SPIRE1: variants seen among roughly 807,000 people sequenced by gnomAD.
SPIRE1 encodes the protein spire type actin nucleation factor 1, also known as protein spire homolog 1.
In SPIRE1, 40 loss-of-function variants were observed where a neutral mutation model predicts 94.1. That is an observed-to-expected ratio of 0.43 (90% CI 0.33 to 0.55). The LOEUF is 0.55. Among genes scored for constraint, SPIRE1 ranks in the 20% least tolerant of loss-of-function variants. The pLI is 0.06. For synonymous variants in SPIRE1, 376 were observed against 371.7 expected (o/e 1.01, Z -0.13); for missense variants, 838 against 975.2 (o/e 0.86, Z 1.87).
intron 10 of SPIRE1, among the ~76,000 whole-genome samples, chr18:12,478,434 GTA>G (rs1366532862): frequency 1.3e-5 from 2 of 151,138 alleles, no homozygotes; most frequent in South Asian, 2.1e-4. Context: ...GCGAGGGTGT[GTA>G]TGTGTGTGTG....
intron 2 of SPIRE1, among the ~76,000 whole-genome samples, chr18:12,633,508 G>A (rs1446493788): frequency 6.6e-6 from 1 of 151,872 alleles, no homozygotes; most frequent in East Asian, 1.9e-4. Context: ...CCTGGGAGGT[G>A]GAGGTTGCAG....
intron 4 of SPIRE1, among the ~76,000 whole-genome samples, chr18:12,530,078 C>T (rs924699925): frequency 6.6e-6 from 1 of 152,042 alleles, no homozygotes; most frequent in African/African-American, 2.4e-5. Context: ...TTTAAAAGGC[C>T]TACAGCATCC....
At chr18:12,638,018 T>C (rs1008713618) in intron 1 of SPIRE1, among the ~76,000 whole-genome samples, 1 of 152,200 alleles carries the variant, frequency 6.6e-6, no homozygotes, top group Admixed American at 6.5e-5. Flanking sequence ...TACAAAGTAT[T>C]TGACCAACTA....
chr18:12,494,158 C>T (rs540538850), intron 7 of SPIRE1, among the ~76,000 whole-genome samples: 2 of 152,108 alleles, frequency 1.3e-5, no homozygotes, highest in African/African-American at 4.8e-5. Context: ...AGCAATCTTC[C>T]CATCCTGGCC....
At chr18:12,458,357 A>T (rs960948760) in intron 12 of SPIRE1, among the ~76,000 whole-genome samples, 6 of 151,602 alleles carry the variant, frequency 4.0e-5, no homozygotes, top group Non-Finnish European at 7.4e-5. Flanking sequence ...CACGCCTGTA[A>T]TCCCAGCACT....
chr18:12,580,915 T>A (rs1195462447), intron 2 of SPIRE1, among the ~76,000 whole-genome samples: 2 of 152,116 alleles, frequency 1.3e-5, no homozygotes. Flanking sequence ...GACCCCAGCC[T>A]GTCCCTCAAT....
intron 2 of SPIRE1, among the ~76,000 whole-genome samples, chr18:12,548,474 A>AT (rs1228985201): frequency 1.3e-5 from 2 of 152,214 alleles, no homozygotes; most frequent in Non-Finnish European, 2.9e-5. Context: ...TTCAAAATGA[A>AT]TATCATGCTT....
chr18:12,476,590 C>T (rs7505725), intron 10 of SPIRE1, among the ~76,000 whole-genome samples: 27 of 118,172 alleles, frequency 2.3e-4, no homozygotes, highest in African/African-American at 3.2e-4. Flanking sequence ...TATATATATA[C>T]ACACACACAC....
chr18:12,592,627 C>A (rs973437754), intron 2 of SPIRE1, among the ~76,000 whole-genome samples: 1 of 152,144 alleles, frequency 6.6e-6, no homozygotes, highest in African/African-American at 2.4e-5. Flanking sequence ...TTAAGGAGTT[C>A]CAGTTAATAA....
chr18:12,464,405 C>G (rs2032004152), intron 11 of SPIRE1, among the ~76,000 whole-genome samples: 1 of 151,988 alleles, frequency 6.6e-6, no homozygotes, highest in African/African-American at 2.4e-5. Flanking sequence ...TTATTAAAAG[C>G]CTTTAGAAAT....
Position 12,454,388 on chromosome 18 carries a change from G to T in SPIRE1, c.1734C>A (p.Tyr578Ter), listed in dbSNP as rs2031403330. The T allele has an allele frequency of 6.2e-7, 1 of 1,612,814 alleles. No individual in the cohort carries two copies. Among genetic ancestry groups the T allele is most frequent in the Non-Finnish European group, 8.5e-7 (1 of 1,179,624 alleles). ...CGGTGTAGATGTCTTTATACTGTTG[G>T]TATTTTTCCAGCTCTGCCTTCACCA... ...QVLVKAELEK[Y>*]QQYKDIYTAL... The change falls in exon 13 of 17, where the codon TAC becomes TAA. Residue 578 changes from tyrosine (Y) to a stop codon, truncating the protein, a stop_gained. Coordinates refer to ENST00000409402, the MANE Select transcript of SPIRE1 (RefSeq NM_001128626.2). LOFTEE classifies it high-confidence loss of function.
At chr18:12,571,340 G>C (rs893044966) in intron 2 of SPIRE1, among the ~76,000 whole-genome samples, 8 of 152,164 alleles carry the variant, frequency 5.3e-5, no homozygotes, top group African/African-American at 1.9e-4. Flanking sequence ...CTCCCAAAGT[G>C]CTGGGATTAC....
At chr18:12,452,997 A>G (rs1419547881) in intron 14 of SPIRE1, 71 bp downstream of exon 14, 2 of 957,606 alleles carry the variant, frequency 2.1e-6, no homozygotes, top group Non-Finnish European at 3.1e-6. Flanking sequence ...AGATGGTGAA[A>G]TAAGGAAGAT....
intron 2 of SPIRE1, among the ~76,000 whole-genome samples, chr18:12,621,197 G>T (rs919342883): frequency 4.6e-5 from 7 of 152,164 alleles, no homozygotes; most frequent in Non-Finnish European, 1.0e-4. Flanking sequence ...ACATGCACTA[G>T]GATGCCCAGA....
At chr18:12,458,196 T>A (rs1350422419) in intron 12 of SPIRE1, among the ~76,000 whole-genome samples, 2 of 151,940 alleles carry the variant, frequency 1.3e-5, no homozygotes, top group Non-Finnish European at 2.9e-5. Context: ...CTTCATAAAT[T>A]AACCAGTATT....
intron 2 of SPIRE1, among the ~76,000 whole-genome samples, chr18:12,578,622 A>T (rs1399456809): frequency 2.0e-5 from 3 of 152,124 alleles, no homozygotes; most frequent in African/African-American, 4.8e-5. Context: ...TGATTTTTTT[A>T]AAAAACTGAA....
intron 3 of SPIRE1, among the ~76,000 whole-genome samples, chr18:12,536,123 CACAGATGAGCTTACTAG>C (rs1362783180): frequency 3.3e-5 from 5 of 152,090 alleles, no homozygotes; most frequent in African/African-American, 1.2e-4. Flanking sequence ...GACCCAACAG[CACAGATGAGCTTACTAG>C]AATTAGCTTC....
chr18:12,463,406 G>A lies in SPIRE1; in HGVS notation c.1583C>T (p.Thr528Met), dbSNP rs141286455. The change falls in exon 12 of 17, where the codon ACG becomes ATG. Residue 528 changes from threonine to methionine, a missense_variant. By Grantham distance (81) the Thr-to-Met change is moderately conservative. This residue lies in a region of SPIRE1 where 645 missense variants were observed against 804.7 expected (regional missense o/e 0.80). Coordinates refer to ENST00000409402, the MANE Select transcript of SPIRE1 (RefSeq NM_001128626.2). ...PQRRHSIEKE[T>M]PTNVRQFLPP... ...CAGGAACTGCCTCACGTTAGTAGGCGTTTCCTTTTCAATGGAATGTCGTCT... is the reference window on the plus strand; with the variant it reads ...CAGGAACTGCCTCACGTTAGTAGGCATTTCCTTTTCAATGGAATGTCGTCT... The A allele has an allele frequency of 3.4e-5, 55 of 1,613,790 alleles. No homozygotes were observed. The highest frequency in any genetic ancestry group is 1.2e-4 in the South Asian group (11 of 91,056).
chr18:12,504,333 C>T (rs967473485), intron 6 of SPIRE1, among the ~76,000 whole-genome samples: 1 of 145,436 alleles, frequency 6.9e-6, no homozygotes, highest in Admixed American at 6.8e-5. Context: ...ATGGTGAAGC[C>T]CTGTCTCTAC....
Sources: gnomAD v4.1 joint callset for allele counts (sites outside exome capture counted in the v4.1 genomes callset) on GRCh38, gnomAD v4.1.1 for gene constraint, gnomAD v4.1.1 regional missense constraint, MANE v1.5 for transcripts, NCBI Gene and HGNC (gene_info 2026-07-23, HGNC 2026-07-21) for gene names.